The following SECISBP2L variants were observed in gnomAD, a reference collection of about 807,000 sequenced individuals.
The protein encoded by SECISBP2L is selenocysteine insertion sequence-binding protein 2-like.
In SECISBP2L, 43 loss-of-function variants were observed where a neutral mutation model predicts 114.7. That is an observed-to-expected ratio of 0.38 (90% CI 0.29 to 0.48). SECISBP2L has a LOEUF of 0.48. SECISBP2L is among the 20% of genes least tolerant of loss of function. The pLI is 0.98. For synonymous variants in SECISBP2L, 451 were observed against 439.7 expected (o/e 1.03, Z -0.32); for missense variants, 1,136 against 1,301.1 (o/e 0.87, Z 1.95).
intron 14 of SECISBP2L, among the ~76,000 whole-genome samples, chr15:49,006,534 C>T (rs112643823): frequency 3.9e-5 from 6 of 152,106 alleles, no homozygotes; most frequent in African/African-American, 1.4e-4. Flanking sequence ...TCCGCTTGAT[C>T]GATTCAGCTG....
rs770574236 is a variant in SECISBP2L at position 48,989,183 on chromosome 15, ATATAT to A, written c.*3056_*3060del. The A allele has an allele frequency of 1.3e-5, 2 of 152,114 alleles. No homozygotes were observed. The highest frequency in any genetic ancestry group is 2.4e-5 in the African/African-American group (1 of 41,284). The allele number at this position is 152,114 out of a possible 1,614,324, so 9.4% of individuals were successfully genotyped here. A position where few individuals can be genotyped will look rare whatever the true frequency, so the allele number is the denominator to read the frequency against. On this transcript the variant is annotated 3_prime_UTR_variant, in exon 18 of 18. Transcript: ENST00000559471. Reference sequence around the variant, plus strand: ...TACAAACAGTAATACTTCTTTATACATATATTAAAGTAACAATGTGTTAAGATTGA... The same window carrying A: ...TACAAACAGTAATACTTCTTTATACATAAAGTAACAATGTGTTAAGATTGA...
intron 1 of SECISBP2L, among the ~76,000 whole-genome samples, chr15:49,043,336 C>T (rs373381417): frequency 1.2e-4 from 19 of 152,110 alleles, no homozygotes; most frequent in African/African-American, 3.1e-4. Flanking sequence ...TGAAATCATA[C>T]GTATTCATTA....
chr15:49,010,396 C>G (rs1282046007), intron 13 of SECISBP2L, among the ~76,000 whole-genome samples: 2 of 152,076 alleles, frequency 1.3e-5, no homozygotes, highest in African/African-American at 4.8e-5. Context: ...ACTCTACTGT[C>G]TCCTTCGTTT....
intron 3 of SECISBP2L, among the ~76,000 whole-genome samples, chr15:49,034,081 G>A (rs1369487169): frequency 6.6e-6 from 1 of 151,374 alleles, no homozygotes; most frequent in African/African-American, 2.4e-5. Flanking sequence ...GATATTTCTT[G>A]ACCAAGAAAG....
At position 49,038,303 on chromosome 15, in the gene SECISBP2L, G is replaced by A. The variant is rs571374474; in HGVS notation, c.25-534C>T. On this transcript the variant is annotated intron_variant, in intron 1 of 17. Coordinates refer to ENST00000559471, the MANE Select transcript of SECISBP2L (RefSeq NM_001193489.2). The stretch of plus-strand genomic sequence containing the variant: ...AAGAAAAAATCTGCACAGTTAAACT[G>A]GGGAAAATATGAGTACTTCAGTTTC... 4.6e-5 allele frequency among the ~76,000 whole-genome samples: 7 copies of A among 152,110 alleles called. No individual in the cohort carries two copies. In the South Asian group the frequency reaches 1.0e-3, roughly 23 times the overall value.
intron 15 of SECISBP2L, 123 bp from the exon 16 acceptor site, chr15:49,000,110 G>A (rs189162017): frequency 5.1e-5 from 45 of 882,184 alleles, no homozygotes; most frequent in African/African-American, 3.5e-4. Flanking sequence ...AGCACTTAAC[G>A]CTGTTACACA....
intron 3 of SECISBP2L, among the ~76,000 whole-genome samples, chr15:49,033,674 A>AAAAG (rs1555387269): frequency 6.6e-6 from 1 of 152,050 alleles, no homozygotes; most frequent in Non-Finnish European, 1.5e-5. Flanking sequence ...CAATCGCTAC[A>AAAAG]AAACAAACAA....
In SECISBP2L at chr15:49,016,983, A is replaced by G; in HGVS notation, c.1284T>C (p.Asn428=). 6.2e-7 allele frequency: 1 copy of G among 1,613,444 alleles called. No homozygotes were observed. Among genetic ancestry groups the G allele is most frequent in the Non-Finnish European group, 8.5e-7 (1 of 1,179,800 alleles). ...TAATAGGAATTGGAGTCTGAACTAT[A>G]TTGATTGGTGAGTTTTCAGGTAAAT... ...LDDLPENSPI[N]IVQTPIPITT... The change falls in exon 10 of 18, where the codon AAT becomes AAC. Residue 428 remains asparagine (N), a synonymous_variant. Coordinates refer to ENST00000559471, the MANE Select transcript of SECISBP2L (RefSeq NM_001193489.2).
rs1036105113 is a variant in SECISBP2L at position 48,992,049 on chromosome 15, C to T, written c.*195G>A. Reference sequence around the variant, plus strand: ...CTGAAACAGATCTGAATTTTCCACACAGTTCTTAGAAAGACACTTAGATAC... The same window carrying T: ...CTGAAACAGATCTGAATTTTCCACATAGTTCTTAGAAAGACACTTAGATAC... On this transcript the variant is annotated 3_prime_UTR_variant, in exon 18 of 18. Coordinates refer to ENST00000559471, the MANE Select transcript of SECISBP2L (RefSeq NM_001193489.2). 71 of 466,214 alleles carry T rather than the reference C, an allele frequency of 1.5e-4. No individual in the cohort carries two copies. Among genetic ancestry groups the T allele is most frequent in the African/African-American group, 5.7e-4 (29 of 51,244 alleles). 28.9% of individuals were successfully genotyped at this position (466,214 alleles called of 1,614,324 possible). A position where few individuals can be genotyped will look rare whatever the true frequency, so the allele number is the denominator to read the frequency against.
At chr15:49,035,774 A>G in intron 2 of SECISBP2L, 116 bp from the exon 3 acceptor site, 1 of 970,684 alleles carries the variant, frequency 1.0e-6, no homozygotes, top group Non-Finnish European at 1.5e-6. Flanking sequence ...CTTCATGATA[A>G]TTTTGGGAAA....
intron 11 of SECISBP2L, among the ~76,000 whole-genome samples, chr15:49,013,877 C>A (rs1902487714): frequency 6.6e-6 from 1 of 152,052 alleles, no homozygotes; most frequent in Admixed American, 6.6e-5. Context: ...CTTTCGAGTT[C>A]CTCCCTGACC....
chr15:49,027,447 G>A lies in SECISBP2L; in HGVS notation c.953C>T (p.Ala318Val). 1 of 1,608,316 alleles carries A rather than the reference G, an allele frequency of 6.2e-7. No homozygotes were observed. The highest frequency in any genetic ancestry group is 2.2e-5 in the East Asian group (1 of 44,758). The change falls in exon 7 of 18, where the codon GCA becomes GTA. Residue 318 changes from alanine to valine, a missense_variant. Around this residue, in one of 2 missense-constraint regions of SECISBP2L, gnomAD observed 452 missense variants for 452.3 expected, o/e 1.00. Coordinates refer to ENST00000559471, the MANE Select transcript of SECISBP2L (RefSeq NM_001193489.2). ...TTCCATCCAAGGTTTTTTCTGAGTT[G>A]CCTGGCAAGTTACATTGGACCAATT... ...GVNWSNVTCQ[A>V]TQKKPWMEKN... is the part of the protein sequence containing the mutation.
chr15:48,997,673 C>T (rs1252710529), intron 16 of SECISBP2L, among the ~76,000 whole-genome samples: 7 of 152,108 alleles, frequency 4.6e-5, no homozygotes, highest in African/African-American at 1.2e-4. Context: ...AGTTTGAGAC[C>T]AGCGTGACCA....
intron 1 of SECISBP2L, among the ~76,000 whole-genome samples, chr15:49,038,066 G>T (rs183612055): frequency 5.9e-5 from 9 of 152,220 alleles, no homozygotes; most frequent in Non-Finnish European, 1.3e-4. Context: ...TAAAAATAAA[G>T]TTGGTAGTAA....
intron 1 of SECISBP2L, among the ~76,000 whole-genome samples, chr15:49,040,831 C>G (rs1403840259): frequency 6.6e-6 from 1 of 151,862 alleles, no homozygotes. Flanking sequence ...AGCCACCGCG[C>G]CCGGCCGATC....
At chr15:49,010,771 C>T (rs553224324) in intron 13 of SECISBP2L, among the ~76,000 whole-genome samples, 87 of 152,270 alleles carry the variant, frequency 5.7e-4, no homozygotes, top group African/African-American at 2.1e-3. Flanking sequence ...CTTGGCTTAC[C>T]AAAGTGTTGG....
intron 11 of SECISBP2L, among the ~76,000 whole-genome samples, chr15:49,014,758 T>C (rs1902503746): frequency 6.7e-6 from 1 of 148,460 alleles, no homozygotes; most frequent in African/African-American, 2.4e-5. Context: ...TATATAGTTA[T>C]ATAATTTATA....
At chr15:49,017,274 T>G (rs983901711) in intron 9 of SECISBP2L, among the ~76,000 whole-genome samples, 3 of 152,198 alleles carry the variant, frequency 2.0e-5, no homozygotes, top group African/African-American at 7.2e-5. Flanking sequence ...AAGTAAAATT[T>G]TGCAACAGTT....
chr15:49,013,729 A>G (rs1314973212), intron 11 of SECISBP2L, among the ~76,000 whole-genome samples: 2 of 152,198 alleles, frequency 1.3e-5, no homozygotes, highest in Non-Finnish European at 2.9e-5. Flanking sequence ...AGAAGATGCT[A>G]TCCAATATAA....
Sources: allele counts gnomAD v4.1 joint callset (sites outside exome capture counted in the v4.1 genomes callset), GRCh38; gene constraint gnomAD v4.1.1; regional missense constraint gnomAD v4.1.1; transcripts MANE v1.5; gene names NCBI Gene and HGNC (gene_info 2026-07-23, HGNC 2026-07-21).